The following CHRNA4 variants were observed in gnomAD, a reference collection of about 807,000 sequenced individuals.
CHRNA4 encodes neuronal acetylcholine receptor subunit alpha-4.
CHRNA4 carries 28 observed loss-of-function variants against 48.9 expected under a neutral mutation model. The observed-to-expected ratio is 0.57, with a 90% CI of 0.42 to 0.79. The LOEUF (loss-of-function observed/expected upper bound fraction) is 0.79. CHRNA4 is among the 30% of genes least tolerant of loss of function. The probability of loss-of-function intolerance (pLI) is 0.00; values close to 1 mark genes in which losing one functional copy is unlikely to be tolerated. For synonymous variants in CHRNA4, 425 were observed against 402.3 expected, an observed-to-expected ratio of 1.06 and a Z score of -0.68; for missense variants, 859 against 898.4, an observed-to-expected ratio of 0.96 and a Z score of 0.56.
Position 63,345,373 on chromosome 20 carries a change from C to G in CHRNA4, c.*1365G>C, listed in dbSNP as rs1468613694. ...CAGGCAGGGGACACGCCATCCTGGCCCCGCCCCTCTGGGCCCTTGGAATCA... is the reference window on the plus strand; with the variant it reads ...CAGGCAGGGGACACGCCATCCTGGCGCCGCCCCTCTGGGCCCTTGGAATCA... On this transcript the variant is annotated 3_prime_UTR_variant, in exon 6 of 6. Transcript: ENST00000370263. This position sits in a 1 kb window ranked among gnomAD's most constrained non-coding sequence, Gnocchi z 5.4. The G allele has an allele frequency of 1.8e-5, 8 of 436,248 alleles. No individual in the cohort carries two copies. The highest frequency in any genetic ancestry group is 1.6e-4 in the African/African-American group (8 of 49,716). The allele number at this position is 436,248 out of a possible 1,614,324, so 27.0% of individuals were successfully genotyped here.
chr20:63,345,248 C>A lies in CHRNA4; in HGVS notation c.*1490G>T, dbSNP rs1433141585. The stretch of plus-strand genomic sequence containing the variant: ...GACTCAGTGGGACGCAGAGCCCAAC[C>A]CCATCCCCACCCCTGGCTGGATGGG... On this transcript the variant is annotated 3_prime_UTR_variant, in exon 6 of 6. Coordinates refer to ENST00000370263, the MANE Select transcript of CHRNA4 (RefSeq NM_000744.7). The surrounding 1 kb of genome is among the most constrained non-coding windows in gnomAD (Gnocchi z 5.4). 2.2e-6 allele frequency: 1 copy of A among 450,426 alleles called. No homozygotes were observed. Among genetic ancestry groups the A allele is most frequent in the South Asian group, 1.6e-5 (1 of 64,224 alleles). 27.9% of individuals were successfully genotyped at this position (450,426 alleles called of 1,614,324 possible).
At chr20:63,357,800 C>T (rs2068742164) in intron 2 of CHRNA4, among the ~76,000 whole-genome samples, 2 of 152,236 alleles carry the variant, frequency 1.3e-5, no homozygotes, top group Admixed American at 6.5e-5. Flanking sequence ...GGAGCGTCAG[C>T]ACCCACGTGT....
intron 5 of CHRNA4, chr20:63,349,422 G>C (rs950255970): frequency 1.1e-4 from 69 of 601,142 alleles, no homozygotes; most frequent in Non-Finnish European, 1.9e-4. Flanking sequence ...AGACGGCACC[G>C]GGATCCACCC....
chr20:63,345,094 C>T lies in CHRNA4; in HGVS notation c.*1644G>A, dbSNP rs1015789873. On this transcript the variant is annotated 3_prime_UTR_variant, in exon 6 of 6. Transcript: ENST00000370263. The surrounding 1 kb of genome is among the most constrained non-coding windows in gnomAD (Gnocchi z 5.4). ...TCCTCCCCACTCACGTCACTGCCCG[C>T]GGGGACACAGCGGCATTTCTGGGGC... is the stretch of plus-strand genomic sequence containing the variant. 8 of 454,050 alleles carry T rather than the reference C, an allele frequency of 1.8e-5. No homozygotes were observed. The highest frequency in any genetic ancestry group is 1.4e-4 in the East Asian group (2 of 14,388). The allele number at this position is 454,050 out of a possible 1,614,324, so 28.1% of individuals were successfully genotyped here. A position where few individuals can be genotyped will look rare whatever the true frequency, so the allele number is the denominator to read the frequency against.
chr20:63,344,741 G>A lies in CHRNA4; in HGVS notation c.*1997C>T. 2.2e-6 allele frequency: 1 copy of A among 454,092 alleles called. No individual in the cohort carries two copies. Among genetic ancestry groups the A allele is most frequent in the Non-Finnish European group, 4.4e-6 (1 of 226,802 alleles). 28.1% of individuals were successfully genotyped at this position (454,092 alleles called of 1,614,324 possible). A position where few individuals can be genotyped will look rare whatever the true frequency, so the allele number is the denominator to read the frequency against. On this transcript the variant is annotated 3_prime_UTR_variant, in exon 6 of 6. Coordinates refer to ENST00000370263, the MANE Select transcript of CHRNA4 (RefSeq NM_000744.7). The surrounding 1 kb of genome is among the most constrained non-coding windows in gnomAD (Gnocchi z 4.5). ...ATCTGCGTCTCTATCCCTCCTCTGA[G>A]ACCAGTGTCTCCTGCCAGCTTCCAT...
At chr20:63,356,992 C>CGACCACATGGCCATG (rs1568817439) in intron 2 of CHRNA4, among the ~76,000 whole-genome samples, 1 of 143,750 alleles carries the variant, frequency 7.0e-6, no homozygotes, top group Admixed American at 6.9e-5. Flanking sequence ...ACGTCCCCAC[C>CGACCACATGGCCATG]GACCACATCT....
chr20:63,359,823 T>G (rs2068779801), intron 1 of CHRNA4, 124 bp from the exon 2 acceptor site: 1 of 1,047,024 alleles, frequency 9.6e-7, no homozygotes, highest in East Asian at 3.0e-5. Context: ...GCTCCTCACA[T>G]GAGCCCTTCC....
At chr20:63,359,259 C>G in intron 2 of CHRNA4, 1 of 468,924 alleles carries the variant, frequency 2.1e-6, no homozygotes, top group Non-Finnish European at 4.0e-6. Flanking sequence ...CTTTGCTGTT[C>G]TTTGCTTCCG....
intron 4 of CHRNA4, among the ~76,000 whole-genome samples, chr20:63,352,247 T>G (rs995869545): frequency 6.6e-6 from 1 of 152,180 alleles, no homozygotes; most frequent in African/African-American, 2.4e-5. Flanking sequence ...GCTTCCTCTG[T>G]GCCTGCCCCC....
chr20:63,349,383 C>T (rs1037643579), intron 5 of CHRNA4: 12 of 573,622 alleles, frequency 2.1e-5, no homozygotes, highest in South Asian at 4.2e-5. Context: ...CCGTGCCGTC[C>T]GCCGAGGCCC....
At chr20:63,353,617 TAG>T (rs2068653556) in intron 4 of CHRNA4, among the ~76,000 whole-genome samples, 7 of 72,758 alleles carry the variant, frequency 9.6e-5, no homozygotes, top group East Asian at 4.6e-4. Flanking sequence ...GCTGTGGTCC[TAG>T]AGGGGGCTGT....
chr20:63,351,411 A>C (rs2068614160), intron 4 of CHRNA4, among the ~76,000 whole-genome samples: 1 of 152,196 alleles, frequency 6.6e-6, no homozygotes, highest in Non-Finnish European at 1.5e-5. Context: ...GAAGGGACCT[A>C]CGAGTGCCTG....
chr20:63,356,561 G>A (rs754186627), intron 2 of CHRNA4, 146 bp from the exon 3 acceptor site: 46 of 812,382 alleles, frequency 5.7e-5, no homozygotes, highest in Middle Eastern at 4.6e-4. Context: ...TGAGTGCCCC[G>A]TCCCTGGAGG....
In CHRNA4 at chr20:63,350,258, A is replaced by G; in HGVS notation, c.1153T>C (p.Trp385Arg). 1 of 1,610,922 alleles carries G rather than the reference A, an allele frequency of 6.2e-7. No homozygotes were observed. The highest frequency in any genetic ancestry group is 8.5e-7 in the Non-Finnish European group (1 of 1,179,262). Reference sequence around the variant, plus strand: ...GGGGGCTCCCCTTCTGGCTCGGGCCAGAAGCGCGGGGCACTGGCCATCTTA... The same window carrying G: ...GGGGGCTCCCCTTCTGGCTCGGGCCGGAAGCGCGGGGCACTGGCCATCTTA... ...MHKMASAPRF[W>R]PEPEGEPPAT... Residue 385 changes from tryptophan (W) to arginine (R), a missense_variant, in exon 5 of 6, where the codon TGG (tryptophan) becomes CGG (arginine). Transcript: ENST00000370263.
chr20:63,357,986 G>A (rs45563841), intron 2 of CHRNA4, among the ~76,000 whole-genome samples: 9,791 of 152,278 alleles, frequency 0.064, 481 homozygotes, highest in African/African-American at 0.14. Flanking sequence ...GCAGCCAGGT[G>A]GGGGGTGGCA....
chr20:63,347,752 G>C (rs536898791), intron 5 of CHRNA4, among the ~76,000 whole-genome samples: 3 of 152,220 alleles, frequency 2.0e-5, no homozygotes, highest in African/African-American at 7.2e-5. Context: ...GGGCCCGGCC[G>C]TGAGGGTGTC....
chr20:63,356,450 C>A, intron 2 of CHRNA4, 35 bp from the exon 3 acceptor site: 5 of 1,577,666 alleles, frequency 3.2e-6, no homozygotes, highest in Non-Finnish European at 4.3e-6. Context: ...GCCAGTGACC[C>A]CTTGGTGTCT....
intron 2 of CHRNA4, among the ~76,000 whole-genome samples, chr20:63,357,595 T>G (rs185353456): frequency 1.8e-3 from 274 of 152,316 alleles, no homozygotes; most frequent in Middle Eastern, 3.4e-3. Context: ...CAGACCCTGG[T>G]GATGGCACCT....
rs1402901734 is a variant in CHRNA4 at position 63,346,632 on chromosome 20, G to A, written c.*106C>T. 6.7e-7 allele frequency: 1 copy of A among 1,491,578 alleles called. No homozygotes were observed. Among genetic ancestry groups the A allele is most frequent in the Non-Finnish European group, 9.0e-7 (1 of 1,107,926 alleles). 92.4% of individuals were successfully genotyped at this position (1,491,578 alleles called of 1,614,324 possible). A position where few individuals can be genotyped will look rare whatever the true frequency, so the allele number is the denominator to read the frequency against. On this transcript the variant is annotated 3_prime_UTR_variant, in exon 6 of 6. Transcript: ENST00000370263. ...ACAGGAAGGAAAATTTGGCAAACGT[G>A]TGGCCCCACAGAGTCCAGGGAGAAG...
Sources: allele counts gnomAD v4.1 joint callset (sites outside exome capture counted in the v4.1 genomes callset), GRCh38; gene constraint gnomAD v4.1.1; non-coding constraint Gnocchi (gnomAD v3.1); transcripts MANE v1.5; gene names NCBI Gene and HGNC (gene_info 2026-07-23, HGNC 2026-07-21).